The following HS6ST3 variants were observed in gnomAD, a reference collection of about 807,000 sequenced individuals.
The protein encoded by HS6ST3 is heparan-sulfate 6-O-sulfotransferase 3.
HS6ST3 carries 12 observed loss-of-function variants against 36.7 expected under a neutral mutation model. The ratio of observed to expected loss-of-function variants is 0.33; its 90% CI spans 0.21 to 0.53. The LOEUF (loss-of-function observed/expected upper bound fraction) is 0.53, where lower values mean the gene tolerates loss of function less well. HS6ST3 is among the 20% of genes least tolerant of loss of function. The pLI, the probability that HS6ST3 is intolerant of heterozygous loss-of-function variation, is 0.95. For missense variants in HS6ST3, 584 were observed against 640.9 expected (o/e 0.91, Z 0.96); for synonymous variants, 240 against 257.5 (o/e 0.93, Z 0.65).
chr13:96,802,301 A>G lies in HS6ST3; in HGVS notation c.708-30189A>G, dbSNP rs558181633. ...GGTCAGAATGAAAGAAAGAAAAGTG[A>G]CTGTTGTATAGAAAACCAAGAGGGT... On this transcript the variant is annotated intron_variant, in intron 1 of 1. Transcript: ENST00000376705. Among the ~76,000 whole-genome samples, 57 of 152,272 alleles carry G rather than the reference A, an allele frequency of 3.7e-4. 2 individuals carry two copies. In the Middle Eastern group the frequency reaches 0.02, roughly 55 times the overall value.
intron 1 of HS6ST3, among the ~76,000 whole-genome samples, chr13:96,557,173 A>G (rs748432443): frequency 2.0e-5 from 3 of 152,218 alleles, no homozygotes; most frequent in African/African-American, 4.8e-5. Context: ...TTTCACATGT[A>G]TAGGCTCATT....
chr13:96,450,827 G>C (rs183889651), intron 1 of HS6ST3, among the ~76,000 whole-genome samples: 6 of 152,284 alleles, frequency 3.9e-5, no homozygotes, highest in African/African-American at 1.4e-4. Flanking sequence ...TGCTAAAGAG[G>C]TGAAATTATG....
intron 1 of HS6ST3, among the ~76,000 whole-genome samples, chr13:96,465,749 T>A (rs1049596419): frequency 6.6e-6 from 1 of 152,174 alleles, no homozygotes; most frequent in Non-Finnish European, 1.5e-5. Flanking sequence ...AAAATGTTCT[T>A]ATGTTTTATA....
chr13:96,407,716 A>G (rs1226139523), intron 1 of HS6ST3, among the ~76,000 whole-genome samples: 1 of 152,198 alleles, frequency 6.6e-6, no homozygotes, highest in Non-Finnish European at 1.5e-5. Context: ...TTACATTACA[A>G]TTATAGATGG....
At chr13:96,330,738 A>G (rs1021609664) in intron 1 of HS6ST3, among the ~76,000 whole-genome samples, 4 of 150,428 alleles carry the variant, frequency 2.7e-5, no homozygotes, top group Non-Finnish European at 4.4e-5. Context: ...CTACCTTGCT[A>G]GATTGGGGAA....
At chr13:96,163,464 C>T (rs547516067) in intron 1 of HS6ST3, among the ~76,000 whole-genome samples, 5 of 152,038 alleles carry the variant, frequency 3.3e-5, no homozygotes, top group South Asian at 4.2e-4. Context: ...CTCCTGACCT[C>T]GTGATCCGCC....
intron 1 of HS6ST3, among the ~76,000 whole-genome samples, chr13:96,429,288 G>A (rs765367961): frequency 2.0e-5 from 3 of 152,282 alleles, no homozygotes; most frequent in Non-Finnish European, 4.4e-5. Flanking sequence ...GTTAAATACC[G>A]AAAGGTTACC....
At chr13:96,681,610 A>C (rs644687) in intron 1 of HS6ST3, among the ~76,000 whole-genome samples, 149,603 of 152,208 alleles carry the variant, frequency 0.98, 73,572 homozygotes, top group East Asian at 1. Flanking sequence ...TCTTAGCAAC[A>C]GATTATTTCT....
At chr13:96,799,936 ATG>A (rs777663074) in intron 1 of HS6ST3, among the ~76,000 whole-genome samples, 3 of 123,580 alleles carry the variant, frequency 2.4e-5, no homozygotes, top group African/African-American at 3.3e-5. Flanking sequence ...GAATACATAT[ATG>A]TGTGTGTATA....
At chr13:96,189,801 A>T (rs1376028570) in intron 1 of HS6ST3, among the ~76,000 whole-genome samples, 5 of 152,190 alleles carry the variant, frequency 3.3e-5, no homozygotes, top group African/African-American at 1.2e-4. Flanking sequence ...GCGTGAACCC[A>T]AGAGACTAAA....
chr13:96,620,208 T>A lies in HS6ST3; in HGVS notation c.708-212282T>A, dbSNP rs59557784. Among the ~76,000 whole-genome samples the A allele has an allele frequency of 9.3e-3, 1,422 of 152,332 alleles. 27 individuals carry two copies. The highest frequency in any genetic ancestry group is 0.032 in the African/African-American group (1,324 of 41,576). On this transcript the variant is annotated intron_variant, in intron 1 of 1. Transcript: ENST00000376705. ...GTCTGCTTAAACAATCTCCCAATAT[T>A]TGATTTACAACCAATGCTTCTGCAC...
At chr13:96,253,849 C>G (rs1251166891) in intron 1 of HS6ST3, among the ~76,000 whole-genome samples, 2 of 152,050 alleles carry the variant, frequency 1.3e-5, no homozygotes. Context: ...TGATGGGGCT[C>G]CATTAATTTA....
chr13:96,142,122 T>C lies in HS6ST3; in HGVS notation c.707+50553T>C, dbSNP rs570759376. On this transcript the variant is annotated intron_variant, in intron 1 of 1. Transcript: ENST00000376705. ...GAGAAATTCAAGAGCTAATCAAGGG[T>C]CAAATATATTTTGAGCCTGAAGAAA... is the stretch of plus-strand genomic sequence containing the variant. Among the ~76,000 whole-genome samples the C allele has an allele frequency of 2.0e-4, 30 of 149,734 alleles. 1 individual carries two copies. The highest frequency in any genetic ancestry group is 5.3e-4 in the Admixed American group (8 of 14,972).
chr13:96,508,789 T>C (rs914703327), intron 1 of HS6ST3, among the ~76,000 whole-genome samples: 1 of 152,170 alleles, frequency 6.6e-6, no homozygotes, highest in African/African-American at 2.4e-5. Context: ...GATGGATACT[T>C]AGGTTGGTTC....
Position 96,180,134 on chromosome 13 carries a change from CTG to C in HS6ST3, c.707+88569_707+88570del, listed in dbSNP as rs561982100. Reference sequence around the variant, plus strand: ...ACAGGCGTGACCCACCGCACCCAGCCTGTGTTTCCTGCTTTTAGGATGCAATT... The same window carrying C: ...ACAGGCGTGACCCACCGCACCCAGCCTGTTTCCTGCTTTTAGGATGCAATT... On this transcript the variant is annotated intron_variant, in intron 1 of 1. Transcript: ENST00000376705. Among the ~76,000 whole-genome samples, 23 of 152,264 alleles carry C rather than the reference CTG, an allele frequency of 1.5e-4. No homozygotes were observed. The South Asian group carries it at 4.8e-3, about 32-fold the overall frequency.
chr13:96,202,731 A>G (rs76520728), intron 1 of HS6ST3, among the ~76,000 whole-genome samples: 107 of 152,336 alleles, frequency 7.0e-4, no homozygotes, highest in African/African-American at 2.5e-3. Flanking sequence ...CACAGGTTAC[A>G]TAGGGCAATC....
chr13:96,358,537 T>C (rs1349413850), intron 1 of HS6ST3, among the ~76,000 whole-genome samples: 1 of 151,542 alleles, frequency 6.6e-6, no homozygotes, highest in Non-Finnish European at 1.5e-5. Flanking sequence ...ATTAATGTCA[T>C]AAAACACACA....
intron 1 of HS6ST3, among the ~76,000 whole-genome samples, chr13:96,583,199 C>CTTTTTTTTTTTT (rs1210357260): frequency 5.9e-5 from 2 of 33,948 alleles, no homozygotes; most frequent in African/African-American, 2.2e-4. Context: ...ATTTCTTTTT[C>CTTTTTTTTTTTT]TTTTCTTTTT....
intron 1 of HS6ST3, among the ~76,000 whole-genome samples, chr13:96,398,995 T>G (rs2055435730): frequency 6.6e-6 from 1 of 152,204 alleles, no homozygotes; most frequent in Non-Finnish European, 1.5e-5. Flanking sequence ...TTGACAACTT[T>G]TGAGACCCTG....
Sources: gnomAD v4.1 joint callset for allele counts (sites outside exome capture counted in the v4.1 genomes callset) on GRCh38, gnomAD v4.1.1 for gene constraint, MANE v1.5 for transcripts, NCBI Gene and HGNC (gene_info 2026-07-23, HGNC 2026-07-21) for gene names.